PRKCE: variants seen among roughly 807,000 people sequenced by gnomAD.
PRKCE encodes the protein protein kinase C epsilon type.
A neutral mutation model predicts 85.4 loss-of-function variants in PRKCE; 16 were observed. The observed-to-expected ratio is 0.19, with a 90% confidence interval of 0.13 to 0.28. PRKCE has a LOEUF of 0.28. Ranked by LOEUF, PRKCE falls within the 10% of genes least tolerant of loss-of-function variation. The pLI, the probability that PRKCE is intolerant of heterozygous loss-of-function variation, is 1.00. For synonymous variants in PRKCE, 388 were observed against 371.5 expected (o/e 1.04, Z -0.51); for missense variants, 573 against 975.2 (o/e 0.59, Z 5.49).
chr2:45,801,698 A>C (rs1687881742), intron 1 of PRKCE, among the ~76,000 whole-genome samples: 1 of 152,088 alleles, frequency 6.6e-6, no homozygotes, highest in Non-Finnish European at 1.5e-5. Context: ...GGGCAGAGCC[A>C]GGGTGGGAGA....
intron 1 of PRKCE, among the ~76,000 whole-genome samples, chr2:45,820,883 C>A (rs562911237): frequency 6.6e-6 from 1 of 152,150 alleles, no homozygotes; most frequent in South Asian, 2.1e-4. Context: ...CTTCTGTCTC[C>A]CCACCCCCTT....
chr2:45,917,750 C>T (rs1373555501), intron 2 of PRKCE, among the ~76,000 whole-genome samples: 1 of 152,164 alleles, frequency 6.6e-6, no homozygotes, highest in African/African-American at 2.4e-5. Context: ...GCTCCGGCCG[C>T]ACGGGAGCTC....
chr2:46,164,069 T>TA, intron 14 of PRKCE, among the ~76,000 whole-genome samples: 1 of 152,310 alleles, frequency 6.6e-6, no homozygotes. Context: ...AGGTATCAAA[T>TA]AACTTGAGGA....
chr2:45,695,020 T>C (rs1678028294), intron 1 of PRKCE, among the ~76,000 whole-genome samples: 1 of 152,138 alleles, frequency 6.6e-6, no homozygotes. Context: ...GTAAGATGCA[T>C]TGGTCCTGCC....
chr2:45,923,993 T>A (rs973310952), intron 2 of PRKCE, among the ~76,000 whole-genome samples: 1 of 152,154 alleles, frequency 6.6e-6, no homozygotes, highest in Non-Finnish European at 1.5e-5. Flanking sequence ...AATCGACATT[T>A]AACATGAGTT....
chr2:46,159,555 G>A lies in PRKCE; in HGVS notation c.1921-51G>A. The A allele has an allele frequency of 6.5e-7, 1 of 1,543,960 alleles. No homozygotes were observed. Among genetic ancestry groups the A allele is most frequent in the South Asian group, 1.2e-5 (1 of 81,780 alleles). ...GACCTCCATCTGTCCCTTATAGCCT[G>A]TGCTGGCCAGGCCTTTGTCACTAAT... On this transcript the variant is annotated intron_variant, in intron 13 of 14. Transcript: ENST00000306156. The surrounding 1 kb of genome is among the most constrained non-coding windows in gnomAD (Gnocchi z 4.1).
intron 2 of PRKCE, among the ~76,000 whole-genome samples, chr2:45,902,220 G>A (rs985759418): frequency 5.3e-5 from 8 of 152,148 alleles, no homozygotes; most frequent in Non-Finnish European, 8.8e-5. Flanking sequence ...CTCATCTCTC[G>A]TAGTGCATGA....
At chr2:45,730,886 A>T (rs1681514910) in intron 1 of PRKCE, among the ~76,000 whole-genome samples, 1 of 152,214 alleles carries the variant, frequency 6.6e-6, no homozygotes. Flanking sequence ...TGGGAGACAG[A>T]GTGCTGTTAT....
chr2:46,032,528 T>C (rs1707597547), intron 10 of PRKCE, among the ~76,000 whole-genome samples: 1 of 152,202 alleles, frequency 6.6e-6, no homozygotes. Context: ...TGTCCCCAGT[T>C]GTACAGTTTG....
intron 2 of PRKCE, among the ~76,000 whole-genome samples, chr2:45,881,464 C>T (rs529239885): frequency 5.3e-5 from 8 of 151,754 alleles, no homozygotes; most frequent in African/African-American, 1.9e-4. Context: ...ATTTAAGTAC[C>T]CAAGTCAGAA....
intron 10 of PRKCE, among the ~76,000 whole-genome samples, chr2:46,053,172 C>CCCCA (rs1311262123): frequency 2.6e-5 from 4 of 152,136 alleles, no homozygotes; most frequent in Non-Finnish European, 5.9e-5. Context: ...TGGGGAGAAG[C>CCCCA]CCCACTCTGG....
intron 2 of PRKCE, among the ~76,000 whole-genome samples, chr2:45,875,601 T>C (rs1694416308): frequency 6.6e-6 from 1 of 152,188 alleles, no homozygotes; most frequent in African/African-American, 2.4e-5. Context: ...AGTTTTTTGT[T>C]GTTGTTGTTG....
At chr2:45,725,192 A>C (rs568258981) in intron 1 of PRKCE, among the ~76,000 whole-genome samples, 6 of 152,218 alleles carry the variant, frequency 3.9e-5, no homozygotes, top group African/African-American at 1.4e-4. Context: ...TGCTCTGTCA[A>C]TGGAATAACA....
chr2:45,860,191 C>T (rs1422650938), intron 2 of PRKCE, among the ~76,000 whole-genome samples: 1 of 152,190 alleles, frequency 6.6e-6, no homozygotes, highest in Non-Finnish European at 1.5e-5. Flanking sequence ...GCATACAGTA[C>T]CTGCTCAGTA....
chr2:45,969,219 C>T (rs1245352524), intron 2 of PRKCE, among the ~76,000 whole-genome samples: 1 of 151,824 alleles, frequency 6.6e-6, no homozygotes, highest in Non-Finnish European at 1.5e-5. Context: ...CTTGTTACAT[C>T]CCCACAGCCA....
intron 10 of PRKCE, among the ~76,000 whole-genome samples, chr2:46,046,158 G>C (rs934016474): frequency 6.6e-6 from 1 of 152,206 alleles, no homozygotes; most frequent in Non-Finnish European, 1.5e-5. Context: ...TTCATTTCTG[G>C]TGGCAGTACT....
At chr2:45,868,649 A>G (rs1693822934) in intron 2 of PRKCE, among the ~76,000 whole-genome samples, 1 of 149,292 alleles carries the variant, frequency 6.7e-6, no homozygotes, top group Non-Finnish European at 1.5e-5. Context: ...AATAGCTGGT[A>G]GGGCTGGGCA....
At chr2:46,059,714 G>A (rs1268519645) in intron 10 of PRKCE, among the ~76,000 whole-genome samples, 2 of 151,864 alleles carry the variant, frequency 1.3e-5, no homozygotes, top group Non-Finnish European at 2.9e-5. Context: ...GGCTGAGGGG[G>A]ATCACCTGAG....
intron 2 of PRKCE, among the ~76,000 whole-genome samples, chr2:45,888,035 A>G (rs1347250751): frequency 2.0e-5 from 3 of 152,256 alleles, no homozygotes; most frequent in Non-Finnish European, 4.4e-5. Context: ...ATCTGTGATC[A>G]TTAGAAATGG....
Sources: gnomAD v4.1 joint callset for allele counts (sites outside exome capture counted in the v4.1 genomes callset) on GRCh38, gnomAD v4.1.1 for gene constraint, Gnocchi (gnomAD v3.1) non-coding constraint, MANE v1.5 for transcripts, NCBI Gene and HGNC (gene_info 2026-07-23, HGNC 2026-07-21) for gene names.